ADAMTS17: variants seen among roughly 807,000 people sequenced by gnomAD.
The protein encoded by ADAMTS17 is ADAM metallopeptidase with thrombospondin type 1 motif 17, also known as A disintegrin and metalloproteinase with thrombospondin motifs 17.
In ADAMTS17, 113 loss-of-function variants were observed where a neutral mutation model predicts 141.5. The observed-to-expected ratio is 0.80, with a 90% CI of 0.69 to 0.93. ADAMTS17 has a LOEUF of 0.93. Ranked by LOEUF, ADAMTS17 falls within the 40% of genes least tolerant of loss-of-function variation. ADAMTS17 has a pLI of 0.00. For synonymous variants in ADAMTS17, 768 were observed against 630.6 expected (o/e 1.22, Z -3.27); for missense variants, 1,659 against 1,517.9 (o/e 1.09, Z -1.54).
At chr15:100,340,955 G>A (rs534037666) in intron 2 of ADAMTS17, 84 bp downstream of exon 2, 1 of 1,503,244 alleles carries the variant, frequency 6.7e-7, no homozygotes, top group Non-Finnish European at 8.9e-7. Flanking sequence ...TTCCAGCAGA[G>A]GCGCCCCACC....
intron 15 of ADAMTS17, among the ~76,000 whole-genome samples, chr15:100,089,996 A>T (rs1338260695): frequency 6.6e-6 from 1 of 151,726 alleles, no homozygotes; most frequent in African/African-American, 2.4e-5. Context: ...TAAAATTAAA[A>T]AAAAAAAAAA....
intron 10 of ADAMTS17, among the ~76,000 whole-genome samples, chr15:100,144,097 A>G (rs1207829007): frequency 6.6e-6 from 1 of 152,280 alleles, no homozygotes; most frequent in Non-Finnish European, 1.5e-5. Flanking sequence ...AAGTGTTTTC[A>G]AAATATAAAA....
intron 15 of ADAMTS17, among the ~76,000 whole-genome samples, chr15:100,086,120 C>A (rs1432936027): frequency 6.6e-6 from 1 of 151,994 alleles, no homozygotes. Flanking sequence ...TGCAGAGACA[C>A]ACATAGGCTC....
At chr15:100,160,707 A>G (rs1189522916) in intron 8 of ADAMTS17, among the ~76,000 whole-genome samples, 1 of 152,194 alleles carries the variant, frequency 6.6e-6, no homozygotes, top group African/African-American at 2.4e-5. Context: ...GGACTTCCCC[A>G]AGGAATGTTC....
chr15:100,193,160 C>G (rs1229580459), intron 8 of ADAMTS17, among the ~76,000 whole-genome samples: 3 of 152,260 alleles, frequency 2.0e-5, no homozygotes, highest in African/African-American at 4.8e-5. Context: ...CTGCTGCTCG[C>G]TCTCCTGCCT....
chr15:100,093,764 A>G (rs1183058991), intron 15 of ADAMTS17, among the ~76,000 whole-genome samples: 1 of 152,086 alleles, frequency 6.6e-6, no homozygotes, highest in East Asian at 1.9e-4. Context: ...ACATAGGCTG[A>G]TGCTGTCTGT....
chr15:100,087,300 T>C (rs2035171182), intron 15 of ADAMTS17, among the ~76,000 whole-genome samples: 1 of 152,202 alleles, frequency 6.6e-6, no homozygotes, highest in African/African-American at 2.4e-5. Context: ...AGAAGTTGAA[T>C]CTCTGAATAG....
At chr15:99,979,566 G>C (rs545456988) in intron 20 of ADAMTS17, 2 of 147,534 alleles carry the variant, frequency 1.4e-5, no homozygotes, top group Non-Finnish European at 3.0e-5. Context: ...AAAACCACGC[G>C]AGTGGTCCAC....
chr15:100,190,948 A>G (rs2040894359), intron 8 of ADAMTS17, among the ~76,000 whole-genome samples: 1 of 152,210 alleles, frequency 6.6e-6, no homozygotes, highest in African/African-American at 2.4e-5. Flanking sequence ...ACTGGGCCAC[A>G]TAGCGCCGTG....
chr15:100,056,173 A>C (rs1367110406), intron 15 of ADAMTS17, among the ~76,000 whole-genome samples: 1 of 152,264 alleles, frequency 6.6e-6, no homozygotes, highest in Non-Finnish European at 1.5e-5. Context: ...ATGCAAATAC[A>C]TACTTGGTTA....
At chr15:100,099,019 C>G (rs746419343) in intron 14 of ADAMTS17, among the ~76,000 whole-genome samples, 7 of 152,220 alleles carry the variant, frequency 4.6e-5, no homozygotes, top group Non-Finnish European at 8.8e-5. Context: ...AGGCCTGGTT[C>G]CTTGTCCTGC....
intron 10 of ADAMTS17, among the ~76,000 whole-genome samples, chr15:100,141,824 C>G (rs2038668925): frequency 1.3e-5 from 2 of 152,236 alleles, no homozygotes; most frequent in Non-Finnish European, 2.9e-5. Context: ...CTGCCAAAGT[C>G]CAACGGCTCT....
At chr15:100,321,470 A>G (rs962927313) in intron 3 of ADAMTS17, among the ~76,000 whole-genome samples, 3 of 152,270 alleles carry the variant, frequency 2.0e-5, no homozygotes, top group Non-Finnish European at 4.4e-5. Context: ...TACGTACATC[A>G]TCATGACAGA....
At chr15:100,095,077 T>C (rs2035679349) in intron 15 of ADAMTS17, among the ~76,000 whole-genome samples, 2 of 152,164 alleles carry the variant, frequency 1.3e-5, no homozygotes, top group African/African-American at 4.8e-5. Flanking sequence ...ACAGTTTGGA[T>C]CGTCTCCAGG....
chr15:100,004,774 C>T (rs938020855), intron 18 of ADAMTS17, among the ~76,000 whole-genome samples: 3 of 152,106 alleles, frequency 2.0e-5, no homozygotes, highest in African/African-American at 7.2e-5. Flanking sequence ...GTGTGCTCCA[C>T]CATACCTGGC....
intron 13 of ADAMTS17, among the ~76,000 whole-genome samples, chr15:100,114,581 G>C (rs538306446): frequency 2.6e-5 from 4 of 152,200 alleles, no homozygotes; most frequent in African/African-American, 9.6e-5. Flanking sequence ...AGCCCCGAGC[G>C]TGGGGTCTCT....
rs529975114 is a variant in ADAMTS17 at position 100,051,711 on chromosome 15, T to C, written c.2316A>G (p.Gln772=). ...TGTATTCATAATGAATTCCATAATC[T>C]TGGTCGTGAAATAACAACACCTGGA... ...LHLMVLLFHD[Q]DYGIHYEYTV... is the part of the protein sequence containing the mutation. The change falls in exon 17 of 22, where the codon CAA becomes CAG. Residue 772 remains glutamine, a synonymous_variant. Transcript: ENST00000268070. 37 of 1,614,202 alleles carry C rather than the reference T, an allele frequency of 2.3e-5. 1 individual carries two copies. The South Asian group carries it at 3.8e-4, about 17-fold the overall frequency.
At chr15:100,038,504 A>G (rs576606531) in intron 18 of ADAMTS17, among the ~76,000 whole-genome samples, 1 of 150,210 alleles carries the variant, frequency 6.7e-6, no homozygotes, top group East Asian at 1.9e-4. Flanking sequence ...ATGAATGTCT[A>G]TTTGAGATAT....
chr15:100,161,373 A>G (rs879531479), intron 8 of ADAMTS17, among the ~76,000 whole-genome samples: 1 of 152,050 alleles, frequency 6.6e-6, no homozygotes, highest in Non-Finnish European at 1.5e-5. Flanking sequence ...TGTAGGCGTC[A>G]GGTCCGGCCT....
Sources: allele counts gnomAD v4.1 joint callset (sites outside exome capture counted in the v4.1 genomes callset), GRCh38; gene constraint gnomAD v4.1.1; transcripts MANE v1.5; gene names NCBI Gene and HGNC (gene_info 2026-07-23, HGNC 2026-07-21).